PHACTR3: variants seen among roughly 807,000 people sequenced by gnomAD.
PHACTR3 encodes the protein protein phosphatase 1, regulatory subunit 123.
PHACTR3 carries 16 observed loss-of-function variants against 66.8 expected under a neutral mutation model. The observed-to-expected ratio is 0.24, with a 90% confidence interval of 0.16 to 0.36. PHACTR3 has a LOEUF of 0.36. PHACTR3 is among the 10% of genes least tolerant of loss of function. The pLI is 1.00. For synonymous variants in PHACTR3, 323 were observed against 292.1 expected (o/e 1.11, Z -1.08); for missense variants, 647 against 719.9 (o/e 0.90, Z 1.16).
chr20:59,845,703 G>A (rs940906953), intron 12 of PHACTR3, among the ~76,000 whole-genome samples: 4 of 151,976 alleles, frequency 2.6e-5, no homozygotes, highest in African/African-American at 9.7e-5. Context: ...CACAGCCAGC[G>A]TTCTCCTAAA....
In PHACTR3 at chr20:59,659,285, C is replaced by G. The variant is rs572401400; in HGVS notation, c.118+54153C>G. Among the ~76,000 whole-genome samples the G allele has an allele frequency of 2.7e-5, 4 of 150,360 alleles. No homozygotes were observed. The South Asian group carries it at 8.5e-4, about 32-fold the overall frequency. ...ATACTACATGTCAGGCATTCTGTGTCAAATAACAGCACATTCTTTTTCTTT... is the reference window on the plus strand; with the variant it reads ...ATACTACATGTCAGGCATTCTGTGTGAAATAACAGCACATTCTTTTTCTTT... On this transcript the variant is annotated intron_variant, in intron 1 of 12. Transcript: ENST00000371015.
At chr20:59,715,629 G>A (rs2038064318) in intron 1 of PHACTR3, among the ~76,000 whole-genome samples, 1 of 152,096 alleles carries the variant, frequency 6.6e-6, no homozygotes, top group East Asian at 1.9e-4. Context: ...GGTTATGCTG[G>A]CCTCTTAAAA....
At chr20:59,640,100 T>G (rs2035050570) in intron 1 of PHACTR3, among the ~76,000 whole-genome samples, 2 of 152,230 alleles carry the variant, frequency 1.3e-5, no homozygotes, top group Admixed American at 1.3e-4. Flanking sequence ...TGATGAGCTG[T>G]GATCTGGATT....
intron 1 of PHACTR3, among the ~76,000 whole-genome samples, chr20:59,592,079 ATGC>A (rs1223074571): frequency 1.1e-4 from 16 of 152,060 alleles, no homozygotes; most frequent in Non-Finnish European, 1.8e-4. Context: ...CATTCTGTGT[ATGC>A]TCCCGCACAC....
chr20:59,678,330 T>C (rs570744300), intron 1 of PHACTR3, among the ~76,000 whole-genome samples: 23 of 152,298 alleles, frequency 1.5e-4, no homozygotes, highest in Admixed American at 1.2e-3. Context: ...AAAATTCTAT[T>C]TTTAAAGTAT....
Position 59,723,903 on chromosome 20 carries a change from G to C in PHACTR3, c.119-19204G>C, listed in dbSNP as rs566651222. ...TGGTCTGCTCAGGAGTAGAATCACT[G>C]TATGGTGACTCGATGTTGAATTATT... is the stretch of plus-strand genomic sequence containing the variant. On this transcript the variant is annotated intron_variant, in intron 1 of 12. Transcript: ENST00000371015. Among the ~76,000 whole-genome samples, 6 of 152,176 alleles carry C rather than the reference G, an allele frequency of 3.9e-5. No individual in the cohort carries two copies. In the South Asian group the frequency reaches 1.2e-3, roughly 32 times the overall value.
rs568503108 is a variant in PHACTR3 at position 59,689,350 on chromosome 20, G to A, written c.119-53757G>A. ...CAGGTCTGAGGCCAGGTAGTGGGGC[G>A]ACCCAGAAGCAGGAAGATGGTGTGT... On this transcript the variant is annotated intron_variant, in intron 1 of 12. Transcript: ENST00000371015. 6.0e-4 allele frequency among the ~76,000 whole-genome samples: 91 copies of A among 152,372 alleles called. 2 individuals carry two copies. Among genetic ancestry groups the A allele is most frequent in the African/African-American group, 1.2e-3 (50 of 41,600 alleles).
intron 4 of PHACTR3, among the ~76,000 whole-genome samples, chr20:59,766,237 A>G (rs1479826510): frequency 6.6e-6 from 1 of 152,212 alleles, no homozygotes. Context: ...CACCTGCAGG[A>G]GGAAGCTCCT....
intron 1 of PHACTR3, among the ~76,000 whole-genome samples, chr20:59,722,835 T>C (rs2038371693): frequency 6.7e-6 from 1 of 149,916 alleles, no homozygotes; most frequent in African/African-American, 2.4e-5. Context: ...GGTGGGGGCA[T>C]GGGGGTGGTG....
intron 7 of PHACTR3, among the ~76,000 whole-genome samples, chr20:59,803,510 G>A (rs1894789970): frequency 6.6e-6 from 1 of 151,994 alleles, no homozygotes; most frequent in East Asian, 1.9e-4. Context: ...GCTTTTATTT[G>A]CCAATTTATT....
At chr20:59,772,531 G>A (rs908657189) in intron 5 of PHACTR3, among the ~76,000 whole-genome samples, 2 of 152,206 alleles carry the variant, frequency 1.3e-5, no homozygotes, top group African/African-American at 4.8e-5. Context: ...TTCTAGCAGA[G>A]GAGCGGGGAA....
chr20:59,785,604 C>T (rs1330103594), intron 7 of PHACTR3, among the ~76,000 whole-genome samples: 7 of 152,158 alleles, frequency 4.6e-5, no homozygotes, highest in African/African-American at 1.4e-4. Context: ...GATTCGCCAG[C>T]GACCTGAGTT....
chr20:59,768,049 T>G (rs1474702511), intron 5 of PHACTR3, among the ~76,000 whole-genome samples: 1 of 152,188 alleles, frequency 6.6e-6, no homozygotes, highest in Non-Finnish European at 1.5e-5. Context: ...GAGCCAGGAG[T>G]AAACAGCAGA....
chr20:59,774,297 G>C lies in PHACTR3; in HGVS notation c.981G>C (p.Leu327=). Residue 327 remains leucine (L), a synonymous_variant, in exon 7 of 13, where the codon CTG becomes CTC. Coordinates refer to ENST00000371015, the MANE Select transcript of PHACTR3 (RefSeq NM_080672.5). ...CAAAGAAGCGGCTGGATGTCCGTCT[G>C]TCGAGAACGTCCAGCGTGGAGCGGG... The part of the protein sequence containing the change: ...GSPKKRLDVR[L]SRTSSVERGK... 6.2e-7 allele frequency: 1 copy of C among 1,613,136 alleles called. No homozygotes were observed. The highest frequency in any genetic ancestry group is 8.5e-7 in the Non-Finnish European group (1 of 1,179,734).
intron 1 of PHACTR3, among the ~76,000 whole-genome samples, chr20:59,622,661 C>T (rs1406860345): frequency 6.6e-6 from 1 of 152,116 alleles, no homozygotes; most frequent in South Asian, 2.1e-4. Context: ...ACAGAGAGGC[C>T]GTGTGTGTCT....
At chr20:59,606,186 G>A (rs2033662351) in intron 1 of PHACTR3, among the ~76,000 whole-genome samples, 1 of 152,128 alleles carries the variant, frequency 6.6e-6, no homozygotes, top group Non-Finnish European at 1.5e-5. Context: ...CAGAATCCCT[G>A]GGGCCCGGGT....
chr20:59,840,510 T>C, intron 10 of PHACTR3, 80 bp downstream of exon 10: 1 of 1,582,894 alleles, frequency 6.3e-7, no homozygotes, highest in Non-Finnish European at 8.6e-7. Context: ...GGATGGGTAA[T>C]GCTAGGTATC....
chr20:59,622,452 C>G (rs1397803519), intron 1 of PHACTR3, among the ~76,000 whole-genome samples: 1 of 152,150 alleles, frequency 6.6e-6, no homozygotes, highest in Non-Finnish European at 1.5e-5. Context: ...ATTACAGTGA[C>G]ATAACTGTAA....
intron 7 of PHACTR3, among the ~76,000 whole-genome samples, chr20:59,790,162 G>T (rs543454092): frequency 1.4e-4 from 22 of 151,974 alleles, no homozygotes; most frequent in Admixed American, 1.4e-3. Flanking sequence ...ACATGTGCAG[G>T]TTTGTTATAT....
Sources: gnomAD v4.1 joint callset for allele counts (sites outside exome capture counted in the v4.1 genomes callset) on GRCh38, gnomAD v4.1.1 for gene constraint, MANE v1.5 for transcripts, NCBI Gene and HGNC (gene_info 2026-07-23, HGNC 2026-07-21) for gene names.